The following ZNF385D variants were observed in gnomAD, a reference collection of about 807,000 sequenced individuals.
The protein encoded by ZNF385D is zinc finger protein 659.
Under a neutral mutation model 35.8 loss-of-function variants are expected in ZNF385D, and 15 were observed. The observed-to-expected ratio is 0.42, with a 90% CI of 0.28 to 0.64. The LOEUF (loss-of-function observed/expected upper bound fraction) is 0.64, where lower values mean the gene tolerates loss of function less well. Among genes scored for constraint, ZNF385D ranks in the 30% least tolerant of loss-of-function variants. The pLI is 0.23. For synonymous variants in ZNF385D, 212 were observed against 186.8 expected (o/e 1.13, Z -1.10); for missense variants, 474 against 494.6 (o/e 0.96, Z 0.39).
At position 21,539,174 on chromosome 3, in the gene ZNF385D, G is replaced by C. The variant is rs1330487071; in HGVS notation, c.276+25400C>G. On this transcript the variant is annotated intron_variant, in intron 3 of 7. Transcript: ENST00000281523. This position sits in a 1 kb window ranked among gnomAD's most constrained non-coding sequence, Gnocchi z 4.0. ...CAAACCTGATCAACTCCTATCCCAG[G>C]AAGATTCAAGACCACAGAGACATCA... is the stretch of plus-strand genomic sequence containing the variant. Among the ~76,000 whole-genome samples the C allele has an allele frequency of 1.3e-5, 2 of 151,538 alleles. No individual in the cohort carries two copies. The highest frequency in any genetic ancestry group is 4.8e-5 in the African/African-American group (2 of 41,356).
chr3:22,126,021 T>A (rs1231981497), intron 3 of ZNF385D, among the ~76,000 whole-genome samples: 1 of 152,114 alleles, frequency 6.6e-6, no homozygotes, highest in Non-Finnish European at 1.5e-5. Flanking sequence ...TTAATTTTTT[T>A]CCATTCAGCA....
chr3:22,260,593 T>C (rs193001284), intron 2 of ZNF385D, among the ~76,000 whole-genome samples: 1 of 152,136 alleles, frequency 6.6e-6, no homozygotes, highest in African/African-American at 2.4e-5. Flanking sequence ...ATAAAATCAG[T>C]ATAAATTTGA....
At chr3:22,370,230 T>C (rs1380643891) in intron 2 of ZNF385D, among the ~76,000 whole-genome samples, 1 of 152,212 alleles carries the variant, frequency 6.6e-6, no homozygotes, top group Non-Finnish European at 1.5e-5. Context: ...GAAGTGTTCA[T>C]GTAGACCTCA....
At chr3:21,428,406 AG>A (rs1701121124) in intron 5 of ZNF385D, among the ~76,000 whole-genome samples, 1 of 152,120 alleles carries the variant, frequency 6.6e-6, no homozygotes, top group Non-Finnish European at 1.5e-5. Context: ...AGTCCCTGGC[AG>A]AAAGAAAGGA....
chr3:21,990,331 C>A (rs1165527926), intron 3 of ZNF385D, among the ~76,000 whole-genome samples: 1 of 152,080 alleles, frequency 6.6e-6, no homozygotes, highest in East Asian at 1.9e-4. Flanking sequence ...TATTTGGGAG[C>A]AAAAAGGAAC....
chr3:22,305,445 T>TA (rs1293359862), intron 2 of ZNF385D, among the ~76,000 whole-genome samples: 2 of 152,176 alleles, frequency 1.3e-5, no homozygotes, highest in Non-Finnish European at 2.9e-5. Flanking sequence ...CTCAGTGGCT[T>TA]AAAGCAGTAG....
At chr3:22,166,045 G>A (rs1222319479) in intron 3 of ZNF385D, among the ~76,000 whole-genome samples, 1 of 152,122 alleles carries the variant, frequency 6.6e-6, no homozygotes, top group Non-Finnish European at 1.5e-5. Context: ...TAGTCACCAA[G>A]ACTTGGCCCT....
chr3:22,107,612 T>C (rs922947323), intron 3 of ZNF385D, among the ~76,000 whole-genome samples: 1 of 152,048 alleles, frequency 6.6e-6, no homozygotes, highest in African/African-American at 2.4e-5. Flanking sequence ...AGAAACAATA[T>C]ATGCTTACTG....
At chr3:21,885,726 G>A (rs1698504394) in intron 3 of ZNF385D, among the ~76,000 whole-genome samples, 1 of 125,688 alleles carries the variant, frequency 8.0e-6, no homozygotes, top group Non-Finnish European at 1.7e-5. Context: ...AAATAGAACA[G>A]GGTGTGTCTG....
chr3:21,438,374 G>C (rs1348954731), intron 4 of ZNF385D, among the ~76,000 whole-genome samples: 2 of 152,110 alleles, frequency 1.3e-5, no homozygotes, highest in Non-Finnish European at 2.9e-5. Context: ...CCATGATAAA[G>C]AGACTTGGCC....
chr3:21,581,363 G>A (rs1448578095), intron 2 of ZNF385D, among the ~76,000 whole-genome samples: 2 of 152,072 alleles, frequency 1.3e-5, no homozygotes, highest in Non-Finnish European at 2.9e-5. Context: ...AGTCGGCAAA[G>A]CTAATACAGT....
At chr3:21,588,895 A>C (rs555533245) in intron 2 of ZNF385D, among the ~76,000 whole-genome samples, 2 of 152,304 alleles carry the variant, frequency 1.3e-5, no homozygotes, top group East Asian at 3.9e-4. Flanking sequence ...TCCATTTTCA[A>C]ATGTAATATG....
At chr3:22,038,763 A>T (rs1209746429) in intron 3 of ZNF385D, among the ~76,000 whole-genome samples, 1 of 151,956 alleles carries the variant, frequency 6.6e-6, no homozygotes, top group Non-Finnish European at 1.5e-5. Flanking sequence ...TTTCATACAC[A>T]CTAAGGAAAA....
intron 2 of ZNF385D, among the ~76,000 whole-genome samples, chr3:22,301,333 T>C (rs1213055376): frequency 6.6e-6 from 1 of 152,022 alleles, no homozygotes; most frequent in Non-Finnish European, 1.5e-5. Flanking sequence ...AAGATTTCAG[T>C]TACATAAGAA....
chr3:21,746,445 C>T (rs975916288), intron 1 of ZNF385D, among the ~76,000 whole-genome samples: 35 of 152,300 alleles, frequency 2.3e-4, no homozygotes, highest in African/African-American at 8.2e-4. Context: ...AGGAAGAAAT[C>T]TTTATGGCTT....
At chr3:21,865,232 A>G (rs932245054) in intron 3 of ZNF385D, among the ~76,000 whole-genome samples, 9 of 151,830 alleles carry the variant, frequency 5.9e-5, no homozygotes, top group Non-Finnish European at 1.2e-4. Context: ...CTTAAGAAAT[A>G]TAATGAATCT....
intron 2 of ZNF385D, among the ~76,000 whole-genome samples, chr3:22,228,895 G>T (rs1220758206): frequency 6.6e-6 from 1 of 152,202 alleles, no homozygotes; most frequent in Non-Finnish European, 1.5e-5. Flanking sequence ...TTCAGCTTTT[G>T]GACTCTTGGA....
chr3:22,299,340 TG>T (rs1428744375), intron 2 of ZNF385D, among the ~76,000 whole-genome samples: 1 of 151,884 alleles, frequency 6.6e-6, no homozygotes, highest in African/African-American at 2.4e-5. Context: ...AGGTTATTTT[TG>T]TAACTTTACT....
intron 2 of ZNF385D, among the ~76,000 whole-genome samples, chr3:22,221,801 A>G (rs1385984798): frequency 6.6e-6 from 1 of 152,106 alleles, no homozygotes; most frequent in Non-Finnish European, 1.5e-5. Flanking sequence ...ATTTAAATTT[A>G]TCTTTGTGTG....
Sources: allele counts gnomAD v4.1 joint callset (sites outside exome capture counted in the v4.1 genomes callset), GRCh38; gene constraint gnomAD v4.1.1; non-coding constraint Gnocchi (gnomAD v3.1); transcripts MANE v1.5; gene names NCBI Gene and HGNC (gene_info 2026-07-23, HGNC 2026-07-21).